The following ARHGEF17 variants were observed in gnomAD, a reference collection of about 807,000 sequenced individuals.
The protein encoded by ARHGEF17 is 164 kDa Rho-specific guanine-nucleotide exchange factor.
ARHGEF17 carries 80 observed loss-of-function variants against 174.0 expected under a neutral mutation model. That is an observed-to-expected ratio of 0.46 (90% confidence interval 0.38 to 0.55). ARHGEF17 has a LOEUF of 0.55. Ranked by LOEUF, ARHGEF17 falls within the 20% of genes least tolerant of loss-of-function variation. The pLI, the probability that ARHGEF17 is intolerant of heterozygous loss-of-function variation, is 0.00. For missense variants in ARHGEF17, 2,886 were observed against 2,839.7 expected (o/e 1.02, Z -0.37); for synonymous variants, 1,311 against 1,189.1 (o/e 1.10, Z -2.11).
In ARHGEF17 at chr11:73,310,517, A is replaced by G; in HGVS notation, c.1879A>G (p.Thr627Ala). Residue 627 changes from threonine (T) to alanine (A), a missense_variant, in exon 1 of 21, where the codon ACC becomes GCC. Thr to Ala is a moderately conservative substitution (Grantham distance 58). Transcript: ENST00000263674. ...PGSPDWAGDV[T>A]RGQRSQEELS... ...AAGCCCTGACTGGGCAGGGGATGTG[A>G]CCCGAGGGCAGCGGTCCCAGGAGGA... The G allele has an allele frequency of 1.2e-6, 2 of 1,613,884 alleles. No individual in the cohort carries two copies. The highest frequency in any genetic ancestry group is 1.6e-4 in the Middle Eastern group (1 of 6,062).
rs374330889 is a variant in ARHGEF17 at position 73,311,686 on chromosome 11, C to T, written c.3048C>T (p.Ser1016=). The part of the protein sequence containing the change: ...VTKQYMLNLH[S]GEVPAPVPVD... The stretch of plus-strand genomic sequence containing the variant: ...AGCAGTACATGCTGAACCTGCACTC[C>T]GGTGAGGTCCCTGCCCCAGTGCCAG... The change falls in exon 1 of 21, where the codon TCC becomes TCT. Residue 1016 remains serine (S), a synonymous_variant. Transcript: ENST00000263674. The T allele has an allele frequency of 1.3e-5, 21 of 1,613,302 alleles. No homozygotes were observed. Among genetic ancestry groups the T allele is most frequent in the Middle Eastern group, 1.6e-4 (1 of 6,084 alleles).
At position 73,310,828 on chromosome 11, in the gene ARHGEF17, C is replaced by G; in HGVS notation, c.2190C>G (p.Ala730=). Residue 730 remains alanine, a synonymous_variant, in exon 1 of 21, where the codon GCC becomes GCG. Transcript: ENST00000263674. ...TGAGCAATGGGGAGGCAGGGGAGGC[C>G]TACAGGTCCCTGAGTGACCCAATTC... ...SELSNGEAGE[A]YRSLSDPIPQ... 1 of 1,612,106 alleles carries G rather than the reference C, an allele frequency of 6.2e-7. No homozygotes were observed. The highest frequency in any genetic ancestry group is 8.5e-7 in the Non-Finnish European group (1 of 1,179,654).
At chr11:73,352,596 C>T (rs1865572295) in intron 2 of ARHGEF17, among the ~76,000 whole-genome samples, 1 of 152,214 alleles carries the variant, frequency 6.6e-6, no homozygotes, top group African/African-American at 2.4e-5. Flanking sequence ...CAAACCTCTT[C>T]CTGAGCGTCC....
At chr11:73,346,727 C>T (rs1225905632) in intron 1 of ARHGEF17, among the ~76,000 whole-genome samples, 156 bp from the exon 2 acceptor site, 3 of 151,910 alleles carry the variant, frequency 2.0e-5, no homozygotes, top group Admixed American at 1.3e-4. Context: ...GGCCTGGGGG[C>T]CTCGGGGGAA....
At position 73,342,955 on chromosome 11, in the gene ARHGEF17, C is replaced by T. The variant is rs538561039; in HGVS notation, c.3193-3928C>T. ...AGCGCGGAGGAGGCAGCAGCGCCGC[C>T]GGCGGCCGGGCCGCAGCGCTCAGAT... On this transcript the variant is annotated intron_variant, in intron 1 of 20. Coordinates refer to ENST00000263674, the MANE Select transcript of ARHGEF17 (RefSeq NM_014786.4). 1.1e-4 allele frequency: 20 copies of T among 188,950 alleles called. No homozygotes were observed. The East Asian group carries it at 2.5e-3, about 23-fold the overall frequency. The allele number at this position is 188,950 out of a possible 1,614,324, so 11.7% of individuals were successfully genotyped here. A position where few individuals can be genotyped will look rare whatever the true frequency, so the allele number is the denominator to read the frequency against.
In ARHGEF17 at chr11:73,308,408, TG is replaced by T. The variant is rs1864726022; in HGVS notation, c.-226del. The stretch of plus-strand genomic sequence containing the variant: ...CTCCAGCCGCGGCGGGGGCTGGGCC[TG>T]GGGGTCGGCGCTGAGGCGGGAGGGG... On this transcript the variant is annotated 5_prime_UTR_variant, in exon 1 of 21. Coordinates refer to ENST00000263674, the MANE Select transcript of ARHGEF17 (RefSeq NM_014786.4). The T allele has an allele frequency of 1.7e-5, 7 of 402,306 alleles. No homozygotes were observed. The South Asian group carries it at 5.6e-4, about 32-fold the overall frequency. 24.9% of individuals were successfully genotyped at this position (402,306 alleles called of 1,614,324 possible).
chr11:73,363,461 G>T lies in ARHGEF17; in HGVS notation c.5246+6G>T. 6.2e-7 allele frequency: 1 copy of T among 1,609,870 alleles called. No homozygotes were observed. The highest frequency in any genetic ancestry group is 1.1e-5 in the South Asian group (1 of 90,816). On this transcript the variant is annotated splice_donor_region_variant and intron_variant, in intron 15 of 20. Coordinates refer to ENST00000263674, the MANE Select transcript of ARHGEF17 (RefSeq NM_014786.4). ...CTGGGCACTGAGGATGGCTGGTAGG[G>T]ACAGGGGAGGGACTAGGGACACAGT...
At chr11:73,322,723 G>C (rs999771254) in intron 1 of ARHGEF17, among the ~76,000 whole-genome samples, 2 of 152,122 alleles carry the variant, frequency 1.3e-5, no homozygotes, top group Non-Finnish European at 2.9e-5. Flanking sequence ...CAAGTGCCGA[G>C]TTAAATGGCC....
chr11:73,333,916 A>C (rs1865248352), intron 1 of ARHGEF17, among the ~76,000 whole-genome samples: 1 of 152,186 alleles, frequency 6.6e-6, no homozygotes. Flanking sequence ...TCCCTCCTTC[A>C]AGAGAGGATT....
chr11:73,364,708 A>C, intron 18 of ARHGEF17, 108 bp downstream of exon 18: 1 of 1,416,302 alleles, frequency 7.1e-7, no homozygotes, highest in Non-Finnish European at 9.3e-7. Flanking sequence ...GCAGAGGGCT[A>C]GGGCCTTCCT....
Position 73,311,308 on chromosome 11 carries a change from T to C in ARHGEF17, c.2670T>C (p.Pro890=). The C allele has an allele frequency of 6.2e-7, 1 of 1,613,210 alleles. No individual in the cohort carries two copies. Among genetic ancestry groups the C allele is most frequent in the Non-Finnish European group, 8.5e-7 (1 of 1,180,022 alleles). ...RSRAQSERAL[P]EALPPPATAH... ...GGGCACAGTCTGAAAGGGCCCTACC[T>C]GAGGCTCTGCCTCCCCCTGCCACTG... is the stretch of plus-strand genomic sequence containing the variant. Residue 890 remains proline (P), a synonymous_variant, in exon 1 of 21, where the codon CCT becomes CCC. Coordinates refer to ENST00000263674, the MANE Select transcript of ARHGEF17 (RefSeq NM_014786.4).
At chr11:73,320,628 C>CA (rs1165583721) in intron 1 of ARHGEF17, among the ~76,000 whole-genome samples, 5,746 of 56,790 alleles carry the variant, frequency 0.1, 833 homozygotes, top group African/African-American at 0.32. Context: ...GACTCCGTCT[C>CA]AAAAAAAAAA....
chr11:73,348,285 T>C (rs1052145997), intron 2 of ARHGEF17, among the ~76,000 whole-genome samples: 2 of 152,202 alleles, frequency 1.3e-5, no homozygotes, highest in Non-Finnish European at 2.9e-5. Context: ...GGTAGTGTTC[T>C]CTGTGCAGGG....
intron 1 of ARHGEF17, among the ~76,000 whole-genome samples, chr11:73,312,373 T>G (rs1864853470): frequency 6.6e-6 from 1 of 152,114 alleles, no homozygotes; most frequent in African/African-American, 2.4e-5. Flanking sequence ...AGGCTTTACT[T>G]TATGGAGGAG....
At chr11:73,317,137 C>A (rs1398628418) in intron 1 of ARHGEF17, among the ~76,000 whole-genome samples, 1 of 152,106 alleles carries the variant, frequency 6.6e-6, no homozygotes, top group Non-Finnish European at 1.5e-5. Flanking sequence ...CCCTGCAGAC[C>A]CACATTGGCT....
chr11:73,346,251 G>T (rs891199845), intron 1 of ARHGEF17, among the ~76,000 whole-genome samples: 27 of 152,324 alleles, frequency 1.8e-4, no homozygotes, highest in Non-Finnish European at 3.2e-4. Context: ...TTAGAACAGT[G>T]CCTGGCGCAT....
Position 73,369,050 on chromosome 11 carries a change from G to A in ARHGEF17, c.*1270G>A, listed in dbSNP as rs1331285053. On this transcript the variant is annotated 3_prime_UTR_variant, in exon 21 of 21. Coordinates refer to ENST00000263674, the MANE Select transcript of ARHGEF17 (RefSeq NM_014786.4). ...CATGTATTAACTCTCTTTGGATGATGAAGTTTAAAGAGTCAATAAATAGAA... is the reference window on the plus strand; with the variant it reads ...CATGTATTAACTCTCTTTGGATGATAAAGTTTAAAGAGTCAATAAATAGAA... 1.3e-5 allele frequency: 2 copies of A among 152,520 alleles called. No homozygotes were observed. The highest frequency in any genetic ancestry group is 2.4e-5 in the African/African-American group (1 of 41,450). 9.4% of individuals were successfully genotyped at this position (152,520 alleles called of 1,614,324 possible). A position where few individuals can be genotyped will look rare whatever the true frequency, so the allele number is the denominator to read the frequency against.
chr11:73,311,527 C>A lies in ARHGEF17; in HGVS notation c.2889C>A (p.Pro963=), dbSNP rs753577516. 5 of 1,613,396 alleles carry A rather than the reference C, an allele frequency of 3.1e-6. No individual in the cohort carries two copies. Among genetic ancestry groups the A allele is most frequent in the Admixed American group, 3.3e-5 (2 of 60,010 alleles). The change falls in exon 1 of 21, where the codon CCC becomes CCA. Residue 963 remains proline, a synonymous_variant. Transcript: ENST00000263674. ...GACACGTTCGCCATGCCAGTGTGCC[C>A]GCCACATTTATGCCTATTGTGGTGC... is the stretch of plus-strand genomic sequence containing the variant. ...SSRHVRHASV[P]ATFMPIVVPE...
chr11:73,328,299 G>T (rs1203652663), intron 1 of ARHGEF17, among the ~76,000 whole-genome samples: 2 of 152,216 alleles, frequency 1.3e-5, no homozygotes, highest in African/African-American at 4.8e-5. Flanking sequence ...GGACTCTGCA[G>T]GCTGGGGGCT....
Sources: allele counts gnomAD v4.1 joint callset (sites outside exome capture counted in the v4.1 genomes callset), GRCh38; gene constraint gnomAD v4.1.1; transcripts MANE v1.5; gene names NCBI Gene and HGNC (gene_info 2026-07-23, HGNC 2026-07-21).